Variants in INPP5D observed in about 807,000 individuals in gnomAD.
INPP5D encodes the protein inositol polyphosphate-5-phosphatase D.
INPP5D carries 33 observed loss-of-function variants against 122.9 expected under a neutral mutation model. The ratio of observed to expected loss-of-function variants is 0.27; its 90% CI spans 0.20 to 0.36. INPP5D has a LOEUF of 0.36. INPP5D is among the 10% of genes least tolerant of loss of function. The pLI is 1.00. For synonymous variants in INPP5D, 584 were observed against 576.2 expected (o/e 1.01, Z -0.19); for missense variants, 1,053 against 1,412.7 (o/e 0.75, Z 4.08).
chr2:233,132,664 A>C (rs1693360515), intron 5 of INPP5D, among the ~76,000 whole-genome samples: 1 of 152,186 alleles, frequency 6.6e-6, no homozygotes, highest in Non-Finnish European at 1.5e-5. Context: ...CTCATCCCTC[A>C]AATTGTAAAC....
At position 233,164,253 on chromosome 2, in the gene INPP5D, C is replaced by T; in HGVS notation, c.1438-54C>T. The T allele has an allele frequency of 1.3e-6, 2 of 1,505,886 alleles. No homozygotes were observed. The highest frequency in any genetic ancestry group is 1.8e-6 in the Non-Finnish European group (2 of 1,121,910). The allele number at this position is 1,505,886 out of a possible 1,614,324, so 93.3% of individuals were successfully genotyped here. On this transcript the variant is annotated intron_variant, in intron 12 of 26. Coordinates refer to ENST00000445964, the MANE Select transcript of INPP5D (RefSeq NM_001017915.3). This position sits in a 1 kb window ranked among gnomAD's most constrained non-coding sequence, Gnocchi z 4.3. ...TGGGGCTGGGTGTGAATCACTGTGCCCTGGTTCACACCCTACACTTGGGCC... is the reference window on the plus strand; with the variant it reads ...TGGGGCTGGGTGTGAATCACTGTGCTCTGGTTCACACCCTACACTTGGGCC...
chr2:233,135,100 A>AAT (rs397764420), intron 5 of INPP5D, among the ~76,000 whole-genome samples: 2 of 151,666 alleles, frequency 1.3e-5, no homozygotes, highest in East Asian at 1.9e-4. Context: ...AAAAAAAAAA[A>AAT]TTTCCAGGCT....
chr2:233,121,358 G>A (rs1158855506), intron 2 of INPP5D, among the ~76,000 whole-genome samples: 10 of 151,298 alleles, frequency 6.6e-5, no homozygotes, highest in East Asian at 1.9e-4. Context: ...GACTGGTCTC[G>A]AACTCCTGAC....
At chr2:233,203,868 G>A (rs933063467) in intron 25 of INPP5D, among the ~76,000 whole-genome samples, 2 of 152,146 alleles carry the variant, frequency 1.3e-5, no homozygotes, top group African/African-American at 4.8e-5. Flanking sequence ...GACTGCTTGA[G>A]CCCAAGAGGT....
intron 10 of INPP5D, among the ~76,000 whole-genome samples, chr2:233,159,557 G>A (rs368046385): frequency 1.1e-4 from 16 of 151,754 alleles, no homozygotes; most frequent in African/African-American, 2.9e-4. Context: ...AGCTGGGTGT[G>A]GTGGCATGAG....
intron 2 of INPP5D, among the ~76,000 whole-genome samples, chr2:233,119,888 C>T (rs1253486923): frequency 6.6e-6 from 1 of 152,228 alleles, no homozygotes; most frequent in Non-Finnish European, 1.5e-5. Flanking sequence ...ATTCCACTTA[C>T]CTGTAATCCC....
chr2:233,202,548 C>G (rs1027351378), intron 25 of INPP5D, among the ~76,000 whole-genome samples: 1 of 152,204 alleles, frequency 6.6e-6, no homozygotes, highest in African/African-American at 2.4e-5. Context: ...GAGCCCACAC[C>G]TGCTCCCCAG....
At chr2:233,151,662 C>G (rs1316614221) in intron 9 of INPP5D, among the ~76,000 whole-genome samples, 1 of 152,212 alleles carries the variant, frequency 6.6e-6, no homozygotes, top group African/African-American at 2.4e-5. Flanking sequence ...TCATAAATCC[C>G]AGTTCTGTCT....
intron 2 of INPP5D, among the ~76,000 whole-genome samples, chr2:233,109,329 C>A (rs1011348784): frequency 2.6e-5 from 4 of 152,226 alleles, no homozygotes; most frequent in African/African-American, 9.6e-5. Flanking sequence ...CCTGCACTCA[C>A]CACAGTGCTT....
intron 5 of INPP5D, 50 bp from the exon 6 acceptor site, chr2:233,139,792 C>T (rs1693594530): frequency 2.5e-6 from 1 of 398,070 alleles, no homozygotes; most frequent in African/African-American, 2.1e-5. Flanking sequence ...ATGGAAGACT[C>T]TTTCCGGTGC....
At chr2:233,191,306 T>C (rs891657363) in intron 22 of INPP5D, among the ~76,000 whole-genome samples, 4 of 152,120 alleles carry the variant, frequency 2.6e-5, no homozygotes, top group South Asian at 2.1e-4. Context: ...ACTATCACTA[T>C]TGAGAAAAGG....
At chr2:233,157,042 C>G (rs1694072851) in intron 9 of INPP5D, among the ~76,000 whole-genome samples, 1 of 152,148 alleles carries the variant, frequency 6.6e-6, no homozygotes, top group Non-Finnish European at 1.5e-5. Context: ...AACAAGGTTC[C>G]AGAGTCCGGA....
rs769208484 is a variant in INPP5D, at chr2:233,130,595, C to T, written c.612C>T (p.Ser204=). Residue 204 remains serine (S), a synonymous_variant, in exon 5 of 27, where the codon AGC becomes AGT. Coordinates refer to ENST00000445964, the MANE Select transcript of INPP5D (RefSeq NM_001017915.3). ...CTGAATTTGTGAAGACAGGGTCCAGCAGTCTTCCTCACCTGAAGAAACTGA... is the reference window on the plus strand; with the variant it reads ...CTGAATTTGTGAAGACAGGGTCCAGTAGTCTTCCTCACCTGAAGAAACTGA... ...QDSEFVKTGS[S]SLPHLKKLTT... 3 of 1,614,010 alleles carry T rather than the reference C, an allele frequency of 1.9e-6. No homozygotes were observed. Among genetic ancestry groups the T allele is most frequent in the Non-Finnish European group, 2.5e-6 (3 of 1,179,890 alleles).
intron 18 of INPP5D, 148 bp from the exon 19 acceptor site, chr2:233,182,262 C>G (rs1694802973): frequency 7.9e-6 from 9 of 1,136,956 alleles, no homozygotes; most frequent in Non-Finnish European, 9.7e-6. Context: ...ACCCTTTAAG[C>G]ATTGCTGTGG....
chr2:233,111,365 C>T (rs1259834255), intron 2 of INPP5D, among the ~76,000 whole-genome samples: 6 of 152,138 alleles, frequency 3.9e-5, no homozygotes, highest in South Asian at 2.1e-4. Context: ...CACACACACA[C>T]GCACACACAC....
intron 9 of INPP5D, among the ~76,000 whole-genome samples, chr2:233,152,937 G>A (rs1693956906): frequency 1.3e-5 from 2 of 152,214 alleles, no homozygotes; most frequent in Non-Finnish European, 2.9e-5. Flanking sequence ...TATGGGAAGA[G>A]AGGAAGAGTG....
At chr2:233,130,277 T>C (rs1200471902) in intron 4 of INPP5D, among the ~76,000 whole-genome samples, 2 of 152,118 alleles carry the variant, frequency 1.3e-5, no homozygotes, top group Non-Finnish European at 2.9e-5. Flanking sequence ...AGGAGCTCAT[T>C]GAGAGGCACC....
rs375229594 is a variant in INPP5D at position 233,198,256 on chromosome 2, C to A, written c.2855C>A (p.Pro952Gln). The change falls in exon 25 of 27, where the codon CCG becomes CAG. Residue 952 changes from proline (P) to glutamine (Q), a missense_variant. Pro to Gln is a moderately conservative substitution (Grantham distance 76). This residue lies in a region of INPP5D where 417 missense variants were observed against 425.8 expected (regional missense o/e 0.98). Transcript: ENST00000445964. ...TACGACCAGCCGCCCAAGGACTCCC[C>A]GCTGGGGCCCTGCAGGGGAGAAAGT... ...WSYDQPPKDS[P>Q]LGPCRGESPP... 2 of 1,613,406 alleles carry A rather than the reference C, an allele frequency of 1.2e-6. No individual in the cohort carries two copies. Among genetic ancestry groups the A allele is most frequent in the South Asian group, 2.2e-5 (2 of 91,090 alleles).
chr2:233,162,201 C>G (rs1694215480), intron 11 of INPP5D, among the ~76,000 whole-genome samples: 2 of 151,510 alleles, frequency 1.3e-5, no homozygotes, highest in South Asian at 4.2e-4. Flanking sequence ...GAAGTCCACC[C>G]TGAGTAGGGT....
Sources: allele counts gnomAD v4.1 joint callset (sites outside exome capture counted in the v4.1 genomes callset), GRCh38; gene constraint gnomAD v4.1.1; regional missense constraint gnomAD v4.1.1; non-coding constraint Gnocchi (gnomAD v3.1); transcripts MANE v1.5; gene names NCBI Gene and HGNC (gene_info 2026-07-23, HGNC 2026-07-21).